Variants in COL28A1 observed in about 807,000 individuals in gnomAD.
COL28A1 encodes collagen type XXVIII alpha 1 chain.
COL28A1 carries 161 observed loss-of-function variants against 150.2 expected under a neutral mutation model. The observed-to-expected ratio is 1.07, with a 90% CI of 0.94 to 1.22. The LOEUF (loss-of-function observed/expected upper bound fraction) is 1.22, where lower values mean the gene tolerates loss of function less well. COL28A1 is among the 50% of genes most tolerant of loss of function. COL28A1 has a pLI of 0.00. For synonymous variants in COL28A1, 552 were observed against 469.7 expected (o/e 1.18, Z -2.26); for missense variants, 1,617 against 1,388.3 (o/e 1.16, Z -2.62).
chr7:7,439,711 C>A (rs1785614227), intron 21 of COL28A1, among the ~76,000 whole-genome samples: 1 of 152,174 alleles, frequency 6.6e-6, no homozygotes, highest in Admixed American at 6.5e-5. Context: ...ACATCTGTTA[C>A]ATAGTGGCAC....
rs916622580 is a variant in COL28A1 at position 7,375,464 on chromosome 7, A to G, written c.2356T>C (p.Cys786Arg). 6.3e-7 allele frequency: 1 copy of G among 1,575,354 alleles called. No homozygotes were observed. The highest frequency in any genetic ancestry group is 1.1e-5 in the South Asian group (1 of 88,146). ...TTTTTCCTTGATCAAATCTTACCAC[A>G]TATTTCTGTAATAAGTTTGATAATT... ...EEIIKLITEI[C>R]GCGPKCKETP... The change falls in exon 31 of 35, where the codon TGT becomes CGT. Residue 786 changes from cysteine (C) to arginine (R), a missense_variant. By Grantham distance (180) the Cys-to-Arg change is radical. Coordinates refer to ENST00000399429, the MANE Select transcript of COL28A1 (RefSeq NM_001037763.3).
At chr7:7,385,169 A>G (rs1334926430) in intron 27 of COL28A1, among the ~76,000 whole-genome samples, 1 of 152,228 alleles carries the variant, frequency 6.6e-6, no homozygotes, top group Non-Finnish European at 1.5e-5. Flanking sequence ...CTTAAGAAAG[A>G]TGTCTTGGTA....
At chr7:7,345,430 C>T in the COL28A1 span, among the ~76,000 whole-genome samples, 15,124 of 151,986 alleles carry the variant, frequency 0.1, 2,521 homozygotes, top group African/African-American at 0.35. Flanking sequence ...ACATAGTTAC[C>T]ATTTCTGGTG....
chr7:7,374,890 T>C lies in COL28A1; in HGVS notation c.2359+571A>G, dbSNP rs113142270. ...TTCTCCCATCATTATTCCATTAGTC[T>C]CTTGTCTTTTGGCTAATTTCTTTAC... is the stretch of plus-strand genomic sequence containing the variant. On this transcript the variant is annotated intron_variant, in intron 31 of 34. Transcript: ENST00000399429. Among the ~76,000 whole-genome samples the C allele has an allele frequency of 6.4e-3, 968 of 152,314 alleles. 8 individuals are homozygous for C. The highest frequency in any genetic ancestry group is 0.017 in the South Asian group (84 of 4,824).
the COL28A1 span, among the ~76,000 whole-genome samples, chr7:7,343,175 T>TAC: frequency 2.6e-5 from 4 of 151,916 alleles, no homozygotes; most frequent in Admixed American, 2.0e-4. Context: ...TATATATATA[T>TAC]ATAAGTGTAG....
At chr7:7,344,057 T>G in the COL28A1 span, among the ~76,000 whole-genome samples, 1 of 152,012 alleles carries the variant, frequency 6.6e-6, no homozygotes, top group Admixed American at 6.6e-5. Context: ...CTTAATTTCT[T>G]ACATTCATGT....
chr7:7,511,915 G>A, intron 8 of COL28A1: 1 of 394,088 alleles, frequency 2.5e-6, no homozygotes, highest in Non-Finnish European at 5.2e-6. Flanking sequence ...TTTTATCTTA[G>A]TTAATCTGAC....
intron 10 of COL28A1, among the ~76,000 whole-genome samples, chr7:7,506,618 G>A (rs774413948): frequency 5.9e-5 from 9 of 152,128 alleles, no homozygotes; most frequent in Non-Finnish European, 1.0e-4. Context: ...AAGTTCCTAG[G>A]CTAGGAAAAG....
At chr7:7,362,345 T>C (rs1039347250) in intron 33 of COL28A1, among the ~76,000 whole-genome samples, 4 of 61,260 alleles carry the variant, frequency 6.5e-5, no homozygotes, top group African/African-American at 2.1e-4. Flanking sequence ...CTTGCAAGAG[T>C]TTCTCTTATT....
chr7:7,370,354 G>A (rs73345257), intron 33 of COL28A1, among the ~76,000 whole-genome samples: 3,072 of 152,212 alleles, frequency 0.02, 129 homozygotes, highest in African/African-American at 0.07. Flanking sequence ...ATGCACAGAC[G>A]AAGAGGGAGA....
intron 33 of COL28A1, among the ~76,000 whole-genome samples, chr7:7,362,690 C>G (rs1033081944): frequency 2.6e-5 from 4 of 152,112 alleles, no homozygotes; most frequent in Non-Finnish European, 5.9e-5. Context: ...TTCACTGTCC[C>G]CTAAACACAA....
At chr7:7,422,380 C>T (rs1299474664) in intron 25 of COL28A1, among the ~76,000 whole-genome samples, 2 of 152,124 alleles carry the variant, frequency 1.3e-5, no homozygotes, top group Non-Finnish European at 2.9e-5. Flanking sequence ...CCTGTAATCC[C>T]ACCACTCTGG....
intron 18 of COL28A1, among the ~76,000 whole-genome samples, chr7:7,446,636 C>A (rs10225403): frequency 0.21 from 32,180 of 152,078 alleles, 4,658 homozygotes; most frequent in African/African-American, 0.41. Context: ...TTTTCAAAAA[C>A]AATTATACAA....
chr7:7,402,916 G>C (rs758066849), intron 27 of COL28A1, among the ~76,000 whole-genome samples: 3 of 152,212 alleles, frequency 2.0e-5, no homozygotes, highest in Non-Finnish European at 4.4e-5. Flanking sequence ...GAAGACTACA[G>C]ACAGGACTCA....
chr7:7,513,000 CT>C (rs1562878199), intron 8 of COL28A1, among the ~76,000 whole-genome samples: 1 of 152,186 alleles, frequency 6.6e-6, no homozygotes, highest in Non-Finnish European at 1.5e-5. Flanking sequence ...GTCAGCTGAA[CT>C]TTAAACAGTA....
At position 7,524,257 on chromosome 7, in the gene COL28A1, G is replaced by T. The variant is rs1379532883; in HGVS notation, c.682-8C>A. The T allele has an allele frequency of 1.5e-6, 2 of 1,342,260 alleles. No individual in the cohort carries two copies. Among genetic ancestry groups the T allele is most frequent in the Non-Finnish European group, 2.1e-6 (2 of 933,268 alleles). 83.1% of individuals were successfully genotyped at this position (1,342,260 alleles called of 1,614,324 possible). A position where few individuals can be genotyped will look rare whatever the true frequency, so the allele number is the denominator to read the frequency against. On this transcript the variant is annotated splice_region_variant and splice_polypyrimidine_tract_variant and intron_variant, in intron 3 of 34. Transcript: ENST00000399429. ...CTTTTCAAATAAGATATCCTACAAG[G>T]GAAAAAAGAATGAAGCATTAACTCG...
chr7:7,427,289 T>TG (rs1784698896), intron 25 of COL28A1, among the ~76,000 whole-genome samples: 1 of 152,192 alleles, frequency 6.6e-6, no homozygotes, highest in African/African-American at 2.4e-5. Context: ...AAACTTTGTA[T>TG]GGCTCTGGCT....
At chr7:7,436,006 A>G (rs955792460) in intron 23 of COL28A1, among the ~76,000 whole-genome samples, 5 of 152,206 alleles carry the variant, frequency 3.3e-5, no homozygotes, top group Admixed American at 6.5e-5. Flanking sequence ...TCAAAAGGAT[A>G]AATAAAGCAG....
Position 7,373,640 on chromosome 7 carries a change from CCTAAA to C in COL28A1, c.2360-99_2360-95del. 1.1e-6 allele frequency: 1 copy of C among 923,156 alleles called. No homozygotes were observed. Among genetic ancestry groups the C allele is most frequent in the Non-Finnish European group, 1.7e-6 (1 of 601,938 alleles). The allele number at this position is 923,156 out of a possible 1,614,324, so 57.2% of individuals were successfully genotyped here. On this transcript the variant is annotated intron_variant, in intron 31 of 34. Transcript: ENST00000399429. The surrounding 1 kb of genome is among the most constrained non-coding windows in gnomAD (Gnocchi z 4.1). Reference sequence around the variant, plus strand: ...GAAAAAGTCAATGATGAACCTGAGACCTAAACTATTCTCTTCCTTTTCTGTGATTG... The same window carrying C: ...GAAAAAGTCAATGATGAACCTGAGACCTATTCTCTTCCTTTTCTGTGATTG...
Sources: allele counts gnomAD v4.1 joint callset (sites outside exome capture counted in the v4.1 genomes callset), GRCh38; gene constraint gnomAD v4.1.1; non-coding constraint Gnocchi (gnomAD v3.1); transcripts MANE v1.5; gene names NCBI Gene and HGNC (gene_info 2026-07-23, HGNC 2026-07-21).